ADGRB2: variants seen among roughly 807,000 people sequenced by gnomAD.
The protein encoded by ADGRB2 is adhesion G protein-coupled receptor B2.
ADGRB2 carries 47 observed loss-of-function variants against 178.7 expected under a neutral mutation model. That is an observed-to-expected ratio of 0.26 (90% confidence interval 0.21 to 0.34). The LOEUF is 0.34. Ranked by LOEUF, ADGRB2 falls within the 10% of genes least tolerant of loss-of-function variation. The probability of loss-of-function intolerance (pLI) is 1.00; values close to 1 mark genes in which losing one functional copy is unlikely to be tolerated. For missense variants in ADGRB2, 1,584 were observed against 2,180.8 expected, an observed-to-expected ratio of 0.73 and a Z score of 5.45; for synonymous variants, 870 against 912.4, an observed-to-expected ratio of 0.95 and a Z score of 0.84.
Position 31,728,432 on chromosome 1 carries a change from G to A in ADGRB2, c.4417-152C>T. ...AGTTCTCTCTTCACGTTGGTGCTAT[G>A]GGCTTGGGCAGGGAGGGAATCATGG... On this transcript the variant is annotated intron_variant, in intron 30 of 32. Coordinates refer to ENST00000373658, the MANE Select transcript of ADGRB2 (RefSeq NM_001364857.2). The surrounding 1 kb of genome is among the most constrained non-coding windows in gnomAD (Gnocchi z 6.7). 1.5e-6 allele frequency: 2 copies of A among 1,354,188 alleles called. No individual in the cohort carries two copies. Among genetic ancestry groups the A allele is most frequent in the African/African-American group, 2.9e-5 (2 of 69,548 alleles). The allele number at this position is 1,354,188 out of a possible 1,614,324, so 83.9% of individuals were successfully genotyped here.
Position 31,727,448 on chromosome 1 carries a change from G to C in ADGRB2, c.4730C>G (p.Pro1577Arg), listed in dbSNP as rs74431877. ...CACCTCTGTCTGGAAGTCACCATCC[G>C]GTGGTTCTGTGGGCTCCCAGGCTGC... The part of the protein sequence containing the change: ...RAAAWEPTEP[P>R]DGDFQTEV The change falls in exon 33 of 33, where the codon CCG (proline) becomes CGG (arginine). Residue 1577 changes from proline to arginine, a missense_variant. Transcript: ENST00000373658. This position sits in a 1 kb window ranked among gnomAD's most constrained non-coding sequence, Gnocchi z 4.4. The C allele has an allele frequency of 6.3e-7, 1 of 1,588,078 alleles. No homozygotes were observed. Among genetic ancestry groups the C allele is most frequent in the Admixed American group, 1.9e-5 (1 of 51,304 alleles).
rs371813752 is a variant in ADGRB2 at position 31,735,654 on chromosome 1, G to A, written c.3279C>T (p.Leu1093=). ...PAAVIVLVNM[L]IGIIVFNKLM... is the part of the protein sequence containing the mutation. ...GCTTGTTGAAGACGATGATTCCGAT[G>A]AGCATGTTCACCTGGGGGCCCAGTA... The change falls in exon 24 of 33, where the codon CTC becomes CTT. Residue 1093 remains leucine (L), a synonymous_variant. Transcript: ENST00000373658. The surrounding 1 kb of genome is among the most constrained non-coding windows in gnomAD (Gnocchi z 6.0). 6.2e-6 allele frequency: 10 copies of A among 1,600,842 alleles called. No individual in the cohort carries two copies. The highest frequency in any genetic ancestry group is 1.7e-4 in the Middle Eastern group (1 of 6,030).
chr1:31,731,913 C>T (rs1237138009), intron 28 of ADGRB2, among the ~76,000 whole-genome samples: 3 of 152,210 alleles, frequency 2.0e-5, no homozygotes, highest in Non-Finnish European at 4.4e-5. Context: ...GGTGTGTTAA[C>T]TGAGGCTTAG....
At chr1:31,732,699 G>A in intron 26 of ADGRB2, 87 bp from the exon 27 acceptor site, 5 of 1,458,180 alleles carry the variant, frequency 3.4e-6, no homozygotes, top group Non-Finnish European at 4.7e-6. Flanking sequence ...AGATGCCCAG[G>A]CAAGTGTAGA....
At chr1:31,739,178 G>T in intron 15 of ADGRB2, 130 bp downstream of exon 15, 1 of 1,077,060 alleles carries the variant, frequency 9.3e-7, no homozygotes, top group Non-Finnish European at 1.3e-6. Flanking sequence ...CCAGAGCCAG[G>T]CAAGGGGTTC....
rs1164541162 is a variant in ADGRB2, at chr1:31,741,314, C to T, written c.1794+59G>A. ...ACGAGCGAGAATCACGCTCCCTCCA[C>T]CCCCTAGCAGAGTCTGAGACAGATT... On this transcript the variant is annotated intron_variant, in intron 11 of 32. Transcript: ENST00000373658. The surrounding 1 kb of genome is among the most constrained non-coding windows in gnomAD (Gnocchi z 6.5). 6.7e-7 allele frequency: 1 copy of T among 1,500,990 alleles called. No individual in the cohort carries two copies. Among genetic ancestry groups the T allele is most frequent in the African/African-American group, 1.4e-5 (1 of 72,418 alleles). The allele number at this position is 1,500,990 out of a possible 1,614,324, so 93.0% of individuals were successfully genotyped here. A position where few individuals can be genotyped will look rare whatever the true frequency, so the allele number is the denominator to read the frequency against.
chr1:31,744,446 C>T lies in ADGRB2; in HGVS notation c.923-89G>A. 1 of 1,511,568 alleles carries T rather than the reference C, an allele frequency of 6.6e-7. No individual in the cohort carries two copies. Among genetic ancestry groups the T allele is most frequent in the Non-Finnish European group, 8.9e-7 (1 of 1,126,126 alleles). 93.6% of individuals were successfully genotyped at this position (1,511,568 alleles called of 1,614,324 possible). On this transcript the variant is annotated intron_variant, in intron 5 of 32. Transcript: ENST00000373658. This position sits in a 1 kb window ranked among gnomAD's most constrained non-coding sequence, Gnocchi z 6.7. ...AGGGGGAGTGGCAGTAAGGTGGGGGCAGGCATCAGAGGGCTCCTCCTACCC... is the reference window on the plus strand; with the variant it reads ...AGGGGGAGTGGCAGTAAGGTGGGGGTAGGCATCAGAGGGCTCCTCCTACCC...
chr1:31,738,083 C>G (rs565934326), intron 18 of ADGRB2, 117 bp downstream of exon 18: 2 of 1,421,722 alleles, frequency 1.4e-6, no homozygotes, highest in Admixed American at 2.2e-5. Context: ...ATCCCACAAG[C>G]GCACCTGCAG....
Position 31,744,803 on chromosome 1 carries a change from C to T in ADGRB2, c.839-72G>A. 1.3e-6 allele frequency: 2 copies of T among 1,515,494 alleles called. No homozygotes were observed. The highest frequency in any genetic ancestry group is 2.3e-5 in the South Asian group (2 of 88,074). The allele number at this position is 1,515,494 out of a possible 1,614,324, so 93.9% of individuals were successfully genotyped here. On this transcript the variant is annotated intron_variant, in intron 4 of 32. Transcript: ENST00000373658. The surrounding 1 kb of genome is among the most constrained non-coding windows in gnomAD (Gnocchi z 6.7). Reference sequence around the variant, plus strand: ...TTCTGTTACAGTGGCACAGTGAAGGCAGCCTTCCTTGCCCTCCGCCTGAGG... The same window carrying T: ...TTCTGTTACAGTGGCACAGTGAAGGTAGCCTTCCTTGCCCTCCGCCTGAGG...
In ADGRB2 at chr1:31,733,467, C is replaced by T. The variant is rs932302960; in HGVS notation, c.3453-324G>A. ...GGAGGCAGACAGATGCACAGAATCA[C>T]CTGAGGAGCTTTTTAAAAATGCACG... On this transcript the variant is annotated intron_variant, in intron 25 of 32. Coordinates refer to ENST00000373658, the MANE Select transcript of ADGRB2 (RefSeq NM_001364857.2). This position sits in a 1 kb window ranked among gnomAD's most constrained non-coding sequence, Gnocchi z 4.3. Among the ~76,000 whole-genome samples the T allele has an allele frequency of 6.6e-6, 1 of 152,192 alleles. No individual in the cohort carries two copies. The highest frequency in any genetic ancestry group is 2.1e-4 in the South Asian group (1 of 4,822).
rs1367236385 is a variant in ADGRB2 at position 31,756,585 on chromosome 1, G to A, written c.252C>T (p.Asn84=). The A allele has an allele frequency of 1.9e-6, 3 of 1,610,164 alleles. No individual in the cohort carries two copies. The highest frequency in any genetic ancestry group is 4.5e-5 in the East Asian group (2 of 44,794). The stretch of plus-strand genomic sequence containing the variant: ...AGTGTGCGCACACCTGCTCCTGGCG[G>A]TTGAAGCGCAGGTAGAGGGAGTACT... The part of the protein sequence containing the change: ...PTKYSLYLRF[N]RQEQVCAHFA... The change falls in exon 4 of 33, where the codon AAC becomes AAT. Residue 84 remains asparagine, a synonymous_variant. Transcript: ENST00000373658. This position sits in a 1 kb window ranked among gnomAD's most constrained non-coding sequence, Gnocchi z 8.5.
rs1422205362 is a variant in ADGRB2, at chr1:31,735,224, G to T, written c.3411C>A (p.Val1137=). The T allele has an allele frequency of 6.8e-7, 1 of 1,460,072 alleles. No individual in the cohort carries two copies. The highest frequency in any genetic ancestry group is 1.4e-5 in the South Asian group (1 of 70,610). 90.4% of individuals were successfully genotyped at this position (1,460,072 alleles called of 1,614,324 possible). The stretch of plus-strand genomic sequence containing the variant: ...AGGCTGAGCTGAGCAGGGGGCTGGG[G>T]ACCGCTCCACACGCTGAGCAGGGGA... The part of the protein sequence containing the change: ...LLLPCSACGA[V]PSPLLSSASA... Residue 1137 remains valine, a synonymous_variant, in exon 25 of 33, where the codon GTC becomes GTA. Transcript: ENST00000373658. The surrounding 1 kb of genome is among the most constrained non-coding windows in gnomAD (Gnocchi z 6.0).
At chr1:31,732,745 G>A in intron 26 of ADGRB2, 133 bp from the exon 27 acceptor site, 1 of 1,181,936 alleles carries the variant, frequency 8.5e-7, no homozygotes, top group Non-Finnish European at 1.2e-6. Flanking sequence ...GGAAGGTGAT[G>A]ACACCTGGGC....
At chr1:31,742,553 C>T (rs1646033633) in intron 7 of ADGRB2, among the ~76,000 whole-genome samples, 1 of 152,224 alleles carries the variant, frequency 6.6e-6, no homozygotes, top group Non-Finnish European at 1.5e-5. Context: ...TCTCACAGTC[C>T]AGCTGGCCAT....
intron 4 of ADGRB2, among the ~76,000 whole-genome samples, chr1:31,749,921 AAGAG>A (rs551272842): frequency 2.2e-4 from 34 of 151,484 alleles, no homozygotes; most frequent in East Asian, 7.7e-4. Context: ...GTTTCAGAAA[AAGAG>A]AGAGAGAGAG....
Position 31,756,067 on chromosome 1 carries a change from G to A in ADGRB2, c.770C>T (p.Ala257Val). Residue 257 changes from alanine (A) to valine (V), a missense_variant, in exon 4 of 33, where the codon GCC becomes GTC. Physicochemically the swap from Ala to Val is moderately conservative, Grantham distance 64. This residue lies in a region of ADGRB2 where 657 missense variants were observed against 847.6 expected (regional missense o/e 0.78). Transcript: ENST00000373658. The surrounding 1 kb of genome is among the most constrained non-coding windows in gnomAD (Gnocchi z 8.5). ...LSNALVPGGP[A>V]PPAEADLHSG... ...GTGCAAATCGGCCTCAGCAGGTGGG[G>A]CTGGGCCCCCGGGCACCAGGGCATT... 1.2e-6 allele frequency: 2 copies of A among 1,614,096 alleles called. No individual in the cohort carries two copies. Among genetic ancestry groups the A allele is most frequent in the African/African-American group, 1.3e-5 (1 of 75,068 alleles).
At chr1:31,762,296 G>A (rs1647063335) in intron 1 of ADGRB2, among the ~76,000 whole-genome samples, 3 of 152,102 alleles carry the variant, frequency 2.0e-5, no homozygotes, top group Admixed American at 2.0e-4. Context: ...CCATCACCAG[G>A]ACATATCCTG....
chr1:31,728,466 C>T lies in ADGRB2; in HGVS notation c.4416+132G>A. ...CAGGGAGGGAATCATGGGAAGATCC[C>T]ACGGAACCCCCGGGCTTGGGCTCCT... is the stretch of plus-strand genomic sequence containing the variant. On this transcript the variant is annotated intron_variant, in intron 30 of 32. Transcript: ENST00000373658. The surrounding 1 kb of genome is among the most constrained non-coding windows in gnomAD (Gnocchi z 6.7). The T allele has an allele frequency of 6.9e-7, 1 of 1,448,810 alleles. No homozygotes were observed. The highest frequency in any genetic ancestry group is 1.2e-5 in the South Asian group (1 of 86,802). The allele number at this position is 1,448,810 out of a possible 1,614,324, so 89.7% of individuals were successfully genotyped here.
In ADGRB2 at chr1:31,728,034, G is replaced by A. The variant is rs771122565; in HGVS notation, c.4563C>T (p.Ser1521=). 16 of 1,572,524 alleles carry A rather than the reference G, an allele frequency of 1.0e-5. No individual in the cohort carries two copies. The African/African-American group carries it at 1.1e-4, about 11-fold the overall frequency. Residue 1521 remains serine (S), a synonymous_variant, in exon 32 of 33, where the codon AGC becomes AGT. Coordinates refer to ENST00000373658, the MANE Select transcript of ADGRB2 (RefSeq NM_001364857.2). The surrounding 1 kb of genome is among the most constrained non-coding windows in gnomAD (Gnocchi z 6.7). ...SVSSGGAAER[S]VCTDKPSPGE... is the part of the protein sequence containing the mutation. The stretch of plus-strand genomic sequence containing the variant: ...GCCCGGGGGGACTCACGGTGCACAC[G>A]CTCCGCTCGGCTGCCCCACCCGAGG...
Sources: gnomAD v4.1 joint callset for allele counts (sites outside exome capture counted in the v4.1 genomes callset) on GRCh38, gnomAD v4.1.1 for gene constraint, gnomAD v4.1.1 regional missense constraint, Gnocchi (gnomAD v3.1) non-coding constraint, MANE v1.5 for transcripts, NCBI Gene and HGNC (gene_info 2026-07-23, HGNC 2026-07-21) for gene names.